TENT5C: variants seen among roughly 807,000 people sequenced by gnomAD.
TENT5C encodes family with sequence similarity 46 member C.
A neutral mutation model predicts 22.2 loss-of-function variants in TENT5C; 5 were observed. The observed-to-expected ratio is 0.22, with a 90% CI of 0.12 to 0.47. The LOEUF is 0.47. Ranked by LOEUF, TENT5C falls within the 20% of genes least tolerant of loss-of-function variation. The pLI is 0.99. For missense variants in TENT5C, 364 were observed against 500.9 expected, an observed-to-expected ratio of 0.73 and a Z score of 2.61; for synonymous variants, 199 against 195.4, an observed-to-expected ratio of 1.02 and a Z score of -0.15.
intron 1 of TENT5C, among the ~76,000 whole-genome samples, chr1:117,618,846 A>T (rs776867241): frequency 2.0e-5 from 3 of 152,222 alleles, no homozygotes; most frequent in Non-Finnish European, 2.9e-5. Flanking sequence ...GAGACTTTAT[A>T]TGCTTGTGTA....
intron 1 of TENT5C, among the ~76,000 whole-genome samples, chr1:117,606,411 G>A (rs1467275962): frequency 6.6e-6 from 1 of 152,240 alleles, no homozygotes; most frequent in African/African-American, 2.4e-5. Flanking sequence ...CCGAAAGGGA[G>A]CTACAACTTT....
chr1:117,626,299 C>T lies in TENT5C; in HGVS notation c.*2255C>T, dbSNP rs1362625534. ...TTCTTTCTGCTTATGTTTTTTCCCC[C>T]CCATCTGGTAATAGTCCTCTTCTGA... On this transcript the variant is annotated 3_prime_UTR_variant, in exon 2 of 2. Coordinates refer to ENST00000369448, the MANE Select transcript of TENT5C (RefSeq NM_017709.4). 4.0e-6 allele frequency: 1 copy of T among 247,714 alleles called. No homozygotes were observed. The highest frequency in any genetic ancestry group is 2.2e-5 in the African/African-American group (1 of 45,290). 15.3% of individuals were successfully genotyped at this position (247,714 alleles called of 1,614,324 possible).
At chr1:117,619,502 A>G (rs17037485) in intron 1 of TENT5C, among the ~76,000 whole-genome samples, 5,721 of 152,152 alleles carry the variant, frequency 0.038, 159 homozygotes, top group East Asian at 0.14. Context: ...TATTTTTCCT[A>G]CTTTTGCCTT....
intron 1 of TENT5C, among the ~76,000 whole-genome samples, chr1:117,606,957 A>G (rs1163764722): frequency 6.6e-6 from 1 of 152,134 alleles, no homozygotes; most frequent in Admixed American, 6.5e-5. Context: ...GCGTAGGTGA[A>G]AAGCCACGGC....
In TENT5C at chr1:117,606,076, T is replaced by C. The variant is rs1330859588; in HGVS notation, c.-105T>C. On this transcript the variant is annotated 5_prime_UTR_variant, in exon 1 of 2. Transcript: ENST00000369448. ...TCACTCGGTGCCGCTGCCTAGGGGC[T>C]GTAGAGGTCGCGCCGCTCCTGCTGG... 1 of 152,238 alleles carries C rather than the reference T, an allele frequency of 6.6e-6. No individual in the cohort carries two copies. Among genetic ancestry groups the C allele is most frequent in the East Asian group, 1.9e-4 (1 of 5,132 alleles). The allele number at this position is 152,238 out of a possible 1,614,324, so 9.4% of individuals were successfully genotyped here.
Position 117,623,807 on chromosome 1 carries a change from G to A in TENT5C, c.939G>A (p.Val313=), listed in dbSNP as rs1214821939. 2.5e-6 allele frequency: 4 copies of A among 1,614,080 alleles called. No homozygotes were observed. Among genetic ancestry groups the A allele is most frequent in the African/African-American group, 2.7e-5 (2 of 74,918 alleles). Residue 313 remains valine (V), a synonymous_variant, in exon 2 of 2, where the codon GTG becomes GTA. Transcript: ENST00000369448. The part of the protein sequence containing the change: ...KYDYLMILRR[V]VNESTVCLMG... ...ACTACCTCATGATCCTTCGCAGGGTGGTGAACGAGAGCACCGTGTGTCTCA... is the reference window on the plus strand; with the variant it reads ...ACTACCTCATGATCCTTCGCAGGGTAGTGAACGAGAGCACCGTGTGTCTCA...
rs1653966867 is a variant in TENT5C, at chr1:117,624,304, A to G, written c.*260A>G. On this transcript the variant is annotated 3_prime_UTR_variant, in exon 2 of 2. Coordinates refer to ENST00000369448, the MANE Select transcript of TENT5C (RefSeq NM_017709.4). Reference sequence around the variant, plus strand: ...TGACCTATCCACATCTTTCCAAGATAGACACTAACATGTCATGTCCCAAAC... The same window carrying G: ...TGACCTATCCACATCTTTCCAAGATGGACACTAACATGTCATGTCCCAAAC... 1 of 476,534 alleles carries G rather than the reference A, an allele frequency of 2.1e-6. No homozygotes were observed. The allele number at this position is 476,534 out of a possible 1,614,324, so 29.5% of individuals were successfully genotyped here. A position where few individuals can be genotyped will look rare whatever the true frequency, so the allele number is the denominator to read the frequency against.
At position 117,623,102 on chromosome 1, in the gene TENT5C, C is replaced by T. The variant is rs774118410; in HGVS notation, c.234C>T (p.His78=). The change falls in exon 2 of 2, where the codon CAC becomes CAT. Residue 78 remains histidine, a synonymous_variant. Transcript: ENST00000369448. Reference sequence around the variant, plus strand: ...GGCTGAATGGCTCCGCAGCTGGCCACGTTTTGGTCAAAGACAATGGCTTGG... The same window carrying T: ...GGCTGAATGGCTCCGCAGCTGGCCATGTTTTGGTCAAAGACAATGGCTTGG... ...DVRLNGSAAG[H]VLVKDNGLGC... is the part of the protein sequence containing the mutation. The T allele has an allele frequency of 3.7e-5, 59 of 1,614,128 alleles. No homozygotes were observed. The highest frequency in any genetic ancestry group is 4.3e-5 in the Non-Finnish European group (51 of 1,180,054).
At chr1:117,617,765 G>A (rs948916999) in intron 1 of TENT5C, among the ~76,000 whole-genome samples, 14 of 152,160 alleles carry the variant, frequency 9.2e-5, no homozygotes, top group African/African-American at 3.1e-4. Flanking sequence ...TTGATTTAAC[G>A]TGGTTAATTA....
chr1:117,610,316 CTT>C (rs1653637794), intron 1 of TENT5C, among the ~76,000 whole-genome samples: 1 of 152,228 alleles, frequency 6.6e-6, no homozygotes, highest in East Asian at 1.9e-4. Context: ...CTTTCTGACT[CTT>C]TACTCTTGAC....
chr1:117,623,374 T>C lies in TENT5C; in HGVS notation c.506T>C (p.Phe169Ser), dbSNP rs1170591104. Reference protein sequence around the residue: ...NKNGKNVELKFVDSIRRQFEF... With the variant: ...NKNGKNVELKSVDSIRRQFEF... Reference sequence around the variant, plus strand: ...AACGGGAAGAACGTGGAGCTGAAGTTTGTCGACTCCATTCGGCGTCAGTTT... The same window carrying C: ...AACGGGAAGAACGTGGAGCTGAAGTCTGTCGACTCCATTCGGCGTCAGTTT... The change falls in exon 2 of 2, where the codon TTT (phenylalanine) becomes TCT (serine). Residue 169 changes from phenylalanine (F) to serine (S), a missense_variant. Transcript: ENST00000369448. The C allele has an allele frequency of 1.2e-6, 2 of 1,614,006 alleles. No homozygotes were observed. Among genetic ancestry groups the C allele is most frequent in the Non-Finnish European group, 1.7e-6 (2 of 1,180,026 alleles).
At chr1:117,621,086 G>A (rs1202115710) in intron 1 of TENT5C, among the ~76,000 whole-genome samples, 1 of 152,154 alleles carries the variant, frequency 6.6e-6, no homozygotes, top group Non-Finnish European at 1.5e-5. Flanking sequence ...TTTTGCTTGG[G>A]ATCCATAACC....
chr1:117,618,320 CT>C (rs1412392723), intron 1 of TENT5C, among the ~76,000 whole-genome samples: 1 of 148,930 alleles, frequency 6.7e-6, no homozygotes, highest in Non-Finnish European at 1.5e-5. Flanking sequence ...TTCTGTGAAA[CT>C]GAAAAAAAAA....
In TENT5C at chr1:117,623,895, G is replaced by A. The variant is rs2101080458; in HGVS notation, c.1027G>A (p.Glu343Lys). The A allele has an allele frequency of 6.2e-7, 1 of 1,614,146 alleles. No homozygotes were observed. The highest frequency in any genetic ancestry group is 8.5e-7 in the Non-Finnish European group (1 of 1,180,022). The stretch of plus-strand genomic sequence containing the variant: ...CCTCCTGGCCTTGCGTGTGCTGGCG[G>A]AACAAAACATCATCCCCAGTGCCAC... ...ISLLALRVLA[E>K]QNIIPSATNV... is the part of the protein sequence containing the mutation. Residue 343 changes from glutamate to lysine, a missense_variant, in exon 2 of 2, where the codon GAA becomes AAA. Around this residue, in one of 3 missense-constraint regions of TENT5C, gnomAD observed 54 missense variants for 76.5 expected, o/e 0.71. Transcript: ENST00000369448.
At chr1:117,616,226 G>C (rs1653777502) in intron 1 of TENT5C, among the ~76,000 whole-genome samples, 1 of 152,196 alleles carries the variant, frequency 6.6e-6, no homozygotes, top group South Asian at 2.1e-4. Context: ...ATGAGGATTA[G>C]ATGGGAATTG....
At chr1:117,618,506 A>G (rs1486114717) in intron 1 of TENT5C, among the ~76,000 whole-genome samples, 2 of 151,800 alleles carry the variant, frequency 1.3e-5, no homozygotes, top group Admixed American at 6.6e-5. Context: ...TTATCTGTAG[A>G]GATCAGCATT....
At position 117,627,748 on chromosome 1, in the gene TENT5C, A is replaced by AG. The variant is rs200053533; in HGVS notation, c.*3710dup. 1 of 247,378 alleles carries AG rather than the reference A, an allele frequency of 4.0e-6. No individual in the cohort carries two copies. The highest frequency in any genetic ancestry group is 8.5e-6 in the Non-Finnish European group (1 of 117,952). 15.3% of individuals were successfully genotyped at this position (247,378 alleles called of 1,614,324 possible). A position where few individuals can be genotyped will look rare whatever the true frequency, so the allele number is the denominator to read the frequency against. ...AAATCAGAGGACCAAGTCGTGGGGG[A>AG]GGGGGGCGGTGTTGAGGAGAGGTAT... is the stretch of plus-strand genomic sequence containing the variant. On this transcript the variant is annotated 3_prime_UTR_variant, in exon 2 of 2. Coordinates refer to ENST00000369448, the MANE Select transcript of TENT5C (RefSeq NM_017709.4).
chr1:117,606,265 G>C (rs941581247), intron 1 of TENT5C, 112 bp downstream of exon 1: 4 of 151,942 alleles, frequency 2.6e-5, no homozygotes, highest in African/African-American at 9.7e-5. Flanking sequence ...TCAGGTCTTT[G>C]CCCAGCCTGG....
intron 1 of TENT5C, among the ~76,000 whole-genome samples, chr1:117,607,612 C>T (rs1653569629): frequency 6.6e-6 from 1 of 152,126 alleles, no homozygotes; most frequent in Admixed American, 6.5e-5. Context: ...AGAGGGTGAC[C>T]GTTGTTGGCG....
Sources: allele counts gnomAD v4.1 joint callset (sites outside exome capture counted in the v4.1 genomes callset), GRCh38; gene constraint gnomAD v4.1.1; regional missense constraint gnomAD v4.1.1; transcripts MANE v1.5; gene names NCBI Gene and HGNC (gene_info 2026-07-23, HGNC 2026-07-21).